Variants in RAF1 observed in about 807,000 individuals in gnomAD.
RAF1 encodes RAF proto-oncogene serine/threonine-protein kinase.
RAF1 carries 27 observed loss-of-function variants against 81.1 expected under a neutral mutation model. That is an observed-to-expected ratio of 0.33 (90% CI 0.25 to 0.46). The LOEUF (loss-of-function observed/expected upper bound fraction) is 0.46, where lower values mean the gene tolerates loss of function less well. RAF1 is among the 20% of genes least tolerant of loss of function. The pLI is 1.00. For synonymous variants in RAF1, 298 were observed against 294.0 expected (o/e 1.01, Z -0.14); for missense variants, 598 against 826.0 (o/e 0.72, Z 3.38).
rs941801765 is a variant in RAF1 at position 12,591,735 on chromosome 3, G to A, written c.1226C>T (p.Ala409Val). 1 of 1,614,090 alleles carries A rather than the reference G, an allele frequency of 6.2e-7. No homozygotes were observed. The highest frequency in any genetic ancestry group is 8.5e-7 in the Non-Finnish European group (1 of 1,179,988). ...CAGAACAGCCACCTCATTCCTGAAGGCCTGGAATTGCTCTGGGGTTGGGTC... is the reference window on the plus strand; with the variant it reads ...CAGAACAGCCACCTCATTCCTGAAGACCTGGAATTGCTCTGGGGTTGGGTC... The change falls in exon 12 of 18, where the codon GCC becomes GTC. Residue 409 changes from alanine (A) to valine (V), a missense_variant. By Grantham distance (64) the Ala-to-Val change is moderately conservative (BLOSUM62 0). Around this residue, in one of 5 missense-constraint regions of RAF1, gnomAD observed 85 missense variants for 185.6 expected, o/e 0.46. Coordinates refer to ENST00000442415, the MANE Select transcript of RAF1 (RefSeq NM_001354689.3).
intron 13 of RAF1, chr3:12,587,961 CCTTTT>C (rs2058383052): frequency 6.6e-6 from 1 of 150,888 alleles, no homozygotes; most frequent in African/African-American, 3.7e-5. Flanking sequence ...CACCATGCCG[CCTTTT>C]TTTTTTTTTT....
chr3:12,630,951 G>A (rs930791424), intron 1 of RAF1, among the ~76,000 whole-genome samples: 14 of 152,110 alleles, frequency 9.2e-5, no homozygotes, highest in Non-Finnish European at 1.9e-4. Flanking sequence ...CTACAGGCAC[G>A]TGCCACCACG....
At chr3:12,587,353 G>A in intron 14 of RAF1, 1 of 564,724 alleles carries the variant, frequency 1.8e-6, no homozygotes, top group East Asian at 2.8e-5. Flanking sequence ...CTTTTGCTGA[G>A]ATAAACTCAG....
At chr3:12,621,229 T>G (rs1191666395) in intron 1 of RAF1, among the ~76,000 whole-genome samples, 1 of 152,184 alleles carries the variant, frequency 6.6e-6, no homozygotes, top group Non-Finnish European at 1.5e-5. Context: ...ACACACAGCT[T>G]GTAAGTGGCA....
intron 1 of RAF1, among the ~76,000 whole-genome samples, chr3:12,663,378 C>CA (rs2060944347): frequency 6.6e-6 from 1 of 152,214 alleles, no homozygotes; most frequent in Admixed American, 6.5e-5. Context: ...CCCGATTCCT[C>CA]ACGTCGTCTC....
chr3:12,655,010 C>CCT (rs1453861144), intron 1 of RAF1, among the ~76,000 whole-genome samples: 3 of 149,238 alleles, frequency 2.0e-5, no homozygotes, highest in South Asian at 2.3e-4. Context: ...ACCCCCCCCC[C>CCT]GCCATCTCTA....
At chr3:12,607,204 T>C (rs1388630658) in intron 5 of RAF1, among the ~76,000 whole-genome samples, 2 of 152,156 alleles carry the variant, frequency 1.3e-5, no homozygotes, top group African/African-American at 4.8e-5. Flanking sequence ...TGGGCACTTG[T>C]GCTTAGTAAT....
chr3:12,607,949 C>CCA (rs1491212725), intron 5 of RAF1, among the ~76,000 whole-genome samples: 9 of 66,838 alleles, frequency 1.3e-4, no homozygotes, highest in South Asian at 8.6e-4. Context: ...GACTTGTCTC[C>CCA]AAAAAAAAAA....
chr3:12,621,372 T>A (rs894887901), intron 1 of RAF1, among the ~76,000 whole-genome samples: 1 of 152,204 alleles, frequency 6.6e-6, no homozygotes, highest in Admixed American at 6.5e-5. Flanking sequence ...AACCTTGTTT[T>A]CAACCAAAAG....
chr3:12,624,842 C>CG (rs1280937995), intron 1 of RAF1, among the ~76,000 whole-genome samples: 3 of 145,490 alleles, frequency 2.1e-5, no homozygotes, highest in Non-Finnish European at 4.5e-5. Context: ...GCCGAGATTG[C>CG]GCCACTGCAC....
chr3:12,641,490 GT>G (rs747472648), intron 1 of RAF1, among the ~76,000 whole-genome samples: 4,631 of 134,550 alleles, frequency 0.034, 143 homozygotes, highest in African/African-American at 0.096. Flanking sequence ...ATGTTTTTTG[GT>G]TTTTTTTTTT....
intron 1 of RAF1, among the ~76,000 whole-genome samples, chr3:12,659,506 C>G (rs2060811270): frequency 6.7e-6 from 1 of 148,240 alleles, no homozygotes; most frequent in Non-Finnish European, 1.5e-5. Context: ...ACACAAATAT[C>G]TAGTATTACA....
At chr3:12,607,212 A>C (rs1481258134) in intron 5 of RAF1, among the ~76,000 whole-genome samples, 4 of 152,226 alleles carry the variant, frequency 2.6e-5, no homozygotes, top group African/African-American at 9.6e-5. Flanking sequence ...TGTGCTTAGT[A>C]ATTTCACAGG....
chr3:12,655,747 G>A (rs548499885), intron 1 of RAF1, among the ~76,000 whole-genome samples: 2 of 151,970 alleles, frequency 1.3e-5, no homozygotes, highest in Non-Finnish European at 2.9e-5. Context: ...CCATAAAAAG[G>A]AATAAAATAC....
rs1251823934 is a variant in RAF1 at position 12,608,767 on chromosome 3, A to T, written c.580T>A (p.Leu194Ile). The change falls in exon 5 of 18, where the codon TTA becomes ATA. Residue 194 changes from leucine (L) to isoleucine (I), a missense_variant and splice_region_variant. Physicochemically the swap from Leu to Ile is conservative, Grantham distance 5 (BLOSUM62 2). Coordinates refer to ENST00000442415, the MANE Select transcript of RAF1 (RefSeq NM_001354689.3). ...TTGGATAAAAGAACAATGCCTTACA[A>T]GAGTTGTCTGATGTTACTCCAGTCC... The T allele has an allele frequency of 1.2e-6, 2 of 1,613,906 alleles. No homozygotes were observed. Among genetic ancestry groups the T allele is most frequent in the African/African-American group, 2.7e-5 (2 of 74,936 alleles).
rs191044773 is a variant in RAF1 at position 12,656,217 on chromosome 3, G to A, written c.-27+7596C>T. On this transcript the variant is annotated intron_variant, in intron 1 of 17. Transcript: ENST00000442415. The stretch of plus-strand genomic sequence containing the variant: ...CTGGACCAGACTAAGGTCAAAAATG[G>A]TAGAAGATTATCATTTATCCCCCCA... Among the ~76,000 whole-genome samples the A allele has an allele frequency of 6.8e-3, 1,033 of 151,086 alleles. 5 individuals are homozygous for A. Among genetic ancestry groups the A allele is most frequent in the African/African-American group, 0.024 (974 of 41,092 alleles).
At chr3:12,624,543 T>C (rs1329412377) in intron 1 of RAF1, among the ~76,000 whole-genome samples, 5 of 152,060 alleles carry the variant, frequency 3.3e-5, no homozygotes, top group South Asian at 2.1e-4. Context: ...CAGACACACA[T>C]ACACACACAT....
chr3:12,630,035 G>A (rs2059816504), intron 1 of RAF1, among the ~76,000 whole-genome samples: 1 of 152,158 alleles, frequency 6.6e-6, no homozygotes, highest in Non-Finnish European at 1.5e-5. Flanking sequence ...TCCCACCTCA[G>A]CCTCCCCAAA....
intron 1 of RAF1, among the ~76,000 whole-genome samples, chr3:12,623,997 G>A (rs1259291279): frequency 6.6e-6 from 1 of 151,698 alleles, no homozygotes; most frequent in African/African-American, 2.4e-5. Flanking sequence ...TGGGATTACA[G>A]GCATGTACCA....
Sources: gnomAD v4.1 joint callset for allele counts (sites outside exome capture counted in the v4.1 genomes callset) on GRCh38, gnomAD v4.1.1 for gene constraint, gnomAD v4.1.1 regional missense constraint, MANE v1.5 for transcripts, NCBI Gene and HGNC (gene_info 2026-07-23, HGNC 2026-07-21) for gene names.